The following SPIRE1 variants were observed in gnomAD, a reference collection of about 807,000 sequenced individuals.
SPIRE1 encodes the protein protein spire homolog 1.
A neutral mutation model predicts 94.1 loss-of-function variants in SPIRE1; 40 were observed. The ratio of observed to expected loss-of-function variants is 0.43; its 90% CI spans 0.33 to 0.55. The LOEUF (loss-of-function observed/expected upper bound fraction) is 0.55. Among genes scored for constraint, SPIRE1 ranks in the 20% least tolerant of loss-of-function variants. The pLI is 0.06. For synonymous variants in SPIRE1, 376 were observed against 371.7 expected, an observed-to-expected ratio of 1.01 and a Z score of -0.13; for missense variants, 838 against 975.2, an observed-to-expected ratio of 0.86 and a Z score of 1.87.
chr18:12,533,390 A>G (rs2034744417), intron 4 of SPIRE1, among the ~76,000 whole-genome samples: 1 of 152,256 alleles, frequency 6.6e-6, no homozygotes, highest in Non-Finnish European at 1.5e-5. Flanking sequence ...CTTGCAAAGC[A>G]AAATTTTAAT....
chr18:12,648,861 G>C lies in SPIRE1; in HGVS notation c.337+8669C>G, dbSNP rs1383615984. Among the ~76,000 whole-genome samples the C allele has an allele frequency of 3.3e-5, 4 of 122,218 alleles. No homozygotes were observed. The Admixed American group carries it at 4.6e-4, about 14-fold the overall frequency. The allele number at this position is 122,218 out of a possible 152,430, so 80.2% of individuals were successfully genotyped here. ...GCCAAGATCGCGCCATTGCACTCCA[G>C]CCTGGACAAGAAGAGCGAAACTCCG... On this transcript the variant is annotated intron_variant, in intron 1 of 16. Transcript: ENST00000409402.
At chr18:12,499,735 A>G (rs1478468694) in intron 6 of SPIRE1, among the ~76,000 whole-genome samples, 1 of 152,232 alleles carries the variant, frequency 6.6e-6, no homozygotes, top group Non-Finnish European at 1.5e-5. Context: ...AAGGAAAAAT[A>G]GATAAATTGT....
At position 12,512,524 on chromosome 18, in the gene SPIRE1, T is replaced by C. The variant is rs2034067719; in HGVS notation, c.737A>G (p.Lys246Arg). Residue 246 changes from lysine to arginine, a missense_variant, in exon 5 of 17, where the codon AAG becomes AGG. Lys to Arg is a conservative substitution (Grantham distance 26). Transcript: ENST00000409402. Reference protein sequence around the residue: ...TKIKSAKENLKKIQEMEKSDE... With the variant: ...TKIKSAKENLRKIQEMEKSDE... ...GCTCTTTTCCATTTCTTGAATCTTC[T>C]TAAGATTCTACAGGTTAAAATAATA... is the stretch of plus-strand genomic sequence containing the variant. 1 of 1,601,630 alleles carries C rather than the reference T, an allele frequency of 6.2e-7. No homozygotes were observed. Among genetic ancestry groups the C allele is most frequent in the Non-Finnish European group, 8.5e-7 (1 of 1,170,716 alleles).
intron 12 of SPIRE1, among the ~76,000 whole-genome samples, chr18:12,461,484 ATG>A (rs1286707258): frequency 2.3e-4 from 11 of 47,376 alleles, no homozygotes; most frequent in South Asian, 1.1e-3. Flanking sequence ...GTACATACAT[ATG>A]TGTGTATGCA....
chr18:12,651,431 C>T lies in SPIRE1; in HGVS notation c.337+6099G>A, dbSNP rs900879707. 1.3e-5 allele frequency among the ~76,000 whole-genome samples: 2 copies of T among 151,972 alleles called. 1 individual carries two copies. Among genetic ancestry groups the T allele is most frequent in the South Asian group, 4.2e-4 (2 of 4,808 alleles). Reference sequence around the variant, plus strand: ...GTGGCTCACGCCTGTAATCCCAGCACTTTGGGAGGCTGAGGTGGGTGGATC... The same window carrying T: ...GTGGCTCACGCCTGTAATCCCAGCATTTTGGGAGGCTGAGGTGGGTGGATC... On this transcript the variant is annotated intron_variant, in intron 1 of 16. Transcript: ENST00000409402.
chr18:12,458,279 C>T (rs192227235), intron 12 of SPIRE1, among the ~76,000 whole-genome samples: 3 of 152,078 alleles, frequency 2.0e-5, no homozygotes, highest in African/African-American at 7.2e-5. Flanking sequence ...TAAATAAAAA[C>T]AGCAACTATT....
rs764034718 is a variant in SPIRE1 at position 12,463,331 on chromosome 18, A to G, written c.1638+20T>C. On this transcript the variant is annotated intron_variant, in intron 12 of 16. Coordinates refer to ENST00000409402, the MANE Select transcript of SPIRE1 (RefSeq NM_001128626.2). ...TTCTAGCTGGTCCCTAAGTTACTAC[A>G]AAGTCTTTCCTGTACTTACAAGAGA... The G allele has an allele frequency of 6.9e-6, 11 of 1,586,128 alleles. No homozygotes were observed. The highest frequency in any genetic ancestry group is 5.2e-6 in the Non-Finnish European group (6 of 1,165,042).
intron 1 of SPIRE1, among the ~76,000 whole-genome samples, chr18:12,643,434 T>C (rs932904095): frequency 2.0e-5 from 3 of 152,166 alleles, no homozygotes; most frequent in Non-Finnish European, 2.9e-5. Flanking sequence ...AATTGAAGAG[T>C]TCTGGTTTTC....
chr18:12,595,470 T>C (rs989307850), intron 2 of SPIRE1, among the ~76,000 whole-genome samples: 4 of 152,218 alleles, frequency 2.6e-5, no homozygotes, highest in African/African-American at 9.6e-5. Flanking sequence ...AACCACCACG[T>C]TGTTCAGGGT....
At chr18:12,521,962 G>A (rs753942592) in intron 4 of SPIRE1, among the ~76,000 whole-genome samples, 5 of 152,070 alleles carry the variant, frequency 3.3e-5, no homozygotes, top group East Asian at 3.9e-4. Flanking sequence ...TCCCTATTCC[G>A]TGAGACACAA....
At chr18:12,625,984 C>T (rs1274681456) in intron 2 of SPIRE1, among the ~76,000 whole-genome samples, 1 of 151,918 alleles carries the variant, frequency 6.6e-6, no homozygotes, top group Non-Finnish European at 1.5e-5. Context: ...GAGCTGAGAT[C>T]ACACCACTGC....
At chr18:12,536,940 A>G (rs7229168) in intron 3 of SPIRE1, among the ~76,000 whole-genome samples, 34,869 of 152,162 alleles carry the variant, frequency 0.23, 4,883 homozygotes, top group Non-Finnish European at 0.32. Context: ...TACGCATCTT[A>G]TTTTAATAAT....
intron 9 of SPIRE1, among the ~76,000 whole-genome samples, chr18:12,483,256 G>A (rs565275911): frequency 1.6e-3 from 244 of 152,148 alleles, no homozygotes; most frequent in South Asian, 5.2e-3. Context: ...CACTGTGCCC[G>A]GAAAACATAT....
intron 2 of SPIRE1, among the ~76,000 whole-genome samples, chr18:12,553,980 A>C (rs908186053): frequency 2.0e-5 from 3 of 152,186 alleles, no homozygotes; most frequent in African/African-American, 7.2e-5. Context: ...CTAAATAAAC[A>C]AAATCAAAGA....
chr18:12,584,551 T>C (rs939685040), intron 2 of SPIRE1, among the ~76,000 whole-genome samples: 6 of 152,204 alleles, frequency 3.9e-5, no homozygotes, highest in African/African-American at 1.4e-4. Context: ...AAATTTAGAC[T>C]TGAAAATTTT....
Position 12,493,209 on chromosome 18 carries a change from G to A in SPIRE1, c.1060-8C>T, listed in dbSNP as rs530425062. The stretch of plus-strand genomic sequence containing the variant: ...CAGTTTTCTGGCTGAGACCTTGAAA[G>A]TAAGAAAAATGGCTAAAGACTTCAG... On this transcript the variant is annotated splice_polypyrimidine_tract_variant and splice_region_variant and intron_variant, in intron 7 of 16. Transcript: ENST00000409402. The A allele has an allele frequency of 1.2e-6, 2 of 1,606,822 alleles. No homozygotes were observed. Among genetic ancestry groups the A allele is most frequent in the African/African-American group, 2.7e-5 (2 of 74,294 alleles).
intron 10 of SPIRE1, among the ~76,000 whole-genome samples, chr18:12,469,371 T>TTA (rs1363778625): frequency 1.3e-5 from 2 of 151,150 alleles, no homozygotes; most frequent in African/African-American, 2.4e-5. Context: ...CCTGGCTAAT[T>TTA]TATATATATA....
In SPIRE1 at chr18:12,657,570, C is replaced by T; in HGVS notation, c.297G>A (p.Ala99=). The T allele has an allele frequency of 8.1e-7, 1 of 1,239,424 alleles. No homozygotes were observed. Among genetic ancestry groups the T allele is most frequent in the East Asian group, 3.2e-5 (1 of 31,256 alleles). The allele number at this position is 1,239,424 out of a possible 1,614,324, so 76.8% of individuals were successfully genotyped here. A position where few individuals can be genotyped will look rare whatever the true frequency, so the allele number is the denominator to read the frequency against. Residue 99 remains alanine (A), a synonymous_variant, in exon 1 of 17, where the codon GCG becomes GCA. Coordinates refer to ENST00000409402, the MANE Select transcript of SPIRE1 (RefSeq NM_001128626.2). ...GCTCTCCCGCGTCGTCGGCCGCGGG[C>T]GCCAGGGTGACGGCGCCGTCCCTCC... ...RVWRDGAVTL[A]PAADDAGEPP...
chr18:12,542,269 G>C (rs510364), intron 3 of SPIRE1, among the ~76,000 whole-genome samples: 149,260 of 152,334 alleles, frequency 0.98, 73,143 homozygotes, highest in East Asian at 1. Flanking sequence ...GCCACCGCAC[G>C]CAGCCAACAA....
Sources: gnomAD v4.1 joint callset for allele counts (sites outside exome capture counted in the v4.1 genomes callset) on GRCh38, gnomAD v4.1.1 for gene constraint, MANE v1.5 for transcripts, NCBI Gene and HGNC (gene_info 2026-07-23, HGNC 2026-07-21) for gene names.